The following PPP3CA variants were observed in gnomAD, a reference collection of about 807,000 sequenced individuals.
PPP3CA encodes the protein CAM-PRP catalytic subunit.
PPP3CA carries 14 observed loss-of-function variants against 66.5 expected under a neutral mutation model. That is an observed-to-expected ratio of 0.21 (90% CI 0.14 to 0.33). PPP3CA has a LOEUF of 0.33. PPP3CA is among the 10% of genes least tolerant of loss of function. The pLI is 1.00. For missense variants in PPP3CA, 317 were observed against 639.5 expected (o/e 0.50, Z 5.44); for synonymous variants, 232 against 226.2 (o/e 1.03, Z -0.23).
At chr4:101,244,616 C>T (rs1229066456) in intron 1 of PPP3CA, among the ~76,000 whole-genome samples, 2 of 152,158 alleles carry the variant, frequency 1.3e-5, no homozygotes, top group African/African-American at 2.4e-5. Flanking sequence ...ACGCCTACAG[C>T]TCAGACACAA....
chr4:101,251,269 T>C (rs3804410), intron 1 of PPP3CA, among the ~76,000 whole-genome samples: 100,943 of 151,914 alleles, frequency 0.66, 34,464 homozygotes, highest in Middle Eastern at 0.75. Flanking sequence ...AATATATTTA[T>C]GTATACGTAT....
At chr4:101,272,380 C>A (rs1003331014) in intron 1 of PPP3CA, among the ~76,000 whole-genome samples, 7 of 152,080 alleles carry the variant, frequency 4.6e-5, no homozygotes, top group Non-Finnish European at 7.4e-5. Flanking sequence ...ATTCTGTTAA[C>A]CCCCAAAGCC....
At chr4:101,065,937 T>C (rs1328413456) in intron 8 of PPP3CA, among the ~76,000 whole-genome samples, 1 of 152,128 alleles carries the variant, frequency 6.6e-6, no homozygotes, top group Non-Finnish European at 1.5e-5. Context: ...ATAAAGCAAA[T>C]ATTGTTTTCA....
At chr4:101,094,994 G>A (rs553162987) in intron 5 of PPP3CA, among the ~76,000 whole-genome samples, 1 of 150,204 alleles carries the variant, frequency 6.7e-6, no homozygotes, top group African/African-American at 2.4e-5. Flanking sequence ...TTTTTTTCTG[G>A]GACATACAAG....
At chr4:101,281,246 C>T (rs1221233406) in intron 1 of PPP3CA, among the ~76,000 whole-genome samples, 1 of 152,172 alleles carries the variant, frequency 6.6e-6, no homozygotes, top group Admixed American at 6.5e-5. Context: ...AGACAGTGAA[C>T]GTACATAATT....
intron 2 of PPP3CA, among the ~76,000 whole-genome samples, chr4:101,126,104 G>C (rs932447999): frequency 1.3e-5 from 2 of 152,176 alleles, no homozygotes; most frequent in African/African-American, 4.8e-5. Flanking sequence ...TAATGCATGA[G>C]TTAAATTAAC....
intron 1 of PPP3CA, among the ~76,000 whole-genome samples, chr4:101,229,056 T>C (rs577709154): frequency 6.6e-6 from 1 of 151,794 alleles, no homozygotes; most frequent in East Asian, 2.0e-4. Flanking sequence ...GGTTTGCAAA[T>C]AACTGCAGTG....
At chr4:101,286,775 T>G (rs1727858745) in intron 1 of PPP3CA, among the ~76,000 whole-genome samples, 1 of 152,194 alleles carries the variant, frequency 6.6e-6, no homozygotes. Flanking sequence ...CATCCATAGC[T>G]GGACATGACA....
At chr4:101,142,455 C>G (rs1040129402) in intron 2 of PPP3CA, among the ~76,000 whole-genome samples, 2 of 152,176 alleles carry the variant, frequency 1.3e-5, no homozygotes, top group South Asian at 4.1e-4. Flanking sequence ...TGAATAGCAA[C>G]AACAATAATG....
chr4:101,325,320 C>T (rs1461421804), intron 1 of PPP3CA, among the ~76,000 whole-genome samples: 3 of 152,184 alleles, frequency 2.0e-5, no homozygotes, highest in Non-Finnish European at 4.4e-5. Flanking sequence ...TGTATTTCTA[C>T]CATGCTTCCA....
intron 2 of PPP3CA, among the ~76,000 whole-genome samples, chr4:101,177,013 G>A (rs1039997259): frequency 7.9e-5 from 12 of 152,098 alleles, no homozygotes; most frequent in Admixed American, 7.2e-4. Context: ...ATAAGAAAAT[G>A]TTTTTGTGAA....
At chr4:101,205,782 G>A (rs1725113455) in intron 1 of PPP3CA, among the ~76,000 whole-genome samples, 1 of 152,086 alleles carries the variant, frequency 6.6e-6, no homozygotes, top group South Asian at 2.1e-4. Context: ...TGTCCCAAAT[G>A]ATACCAAATA....
intron 1 of PPP3CA, among the ~76,000 whole-genome samples, chr4:101,340,018 T>A (rs1436537042): frequency 6.6e-6 from 1 of 152,224 alleles, no homozygotes; most frequent in Non-Finnish European, 1.5e-5. Flanking sequence ...AAAATTTTTT[T>A]AATTTAGCTC....
intron 10 of PPP3CA, 57 bp downstream of exon 10, chr4:101,061,030 G>T: frequency 7.3e-7 from 1 of 1,370,934 alleles, no homozygotes; most frequent in Non-Finnish European, 1.0e-6. Context: ...ATTTAGCAAT[G>T]AGACTCTAAG....
At chr4:101,257,879 C>T (rs1055159296) in intron 1 of PPP3CA, among the ~76,000 whole-genome samples, 7 of 151,968 alleles carry the variant, frequency 4.6e-5, no homozygotes, top group Admixed American at 2.0e-4. Context: ...GTTTCCAAAA[C>T]GTGACCAAAA....
At chr4:101,063,033 T>C (rs79882460) in intron 9 of PPP3CA, among the ~76,000 whole-genome samples, 199 bp downstream of exon 9, 3 of 151,820 alleles carry the variant, frequency 2.0e-5, no homozygotes, top group Non-Finnish European at 2.9e-5. Flanking sequence ...TTTTTTTTTT[T>C]GCTTCCCCCT....
At chr4:101,068,897 A>G (rs933029581) in intron 8 of PPP3CA, among the ~76,000 whole-genome samples, 2 of 152,204 alleles carry the variant, frequency 1.3e-5, no homozygotes, top group Non-Finnish European at 2.9e-5. Context: ...ACTTATGAAG[A>G]TAGACTTCAA....
intron 2 of PPP3CA, among the ~76,000 whole-genome samples, chr4:101,174,990 CA>C (rs767277116): frequency 4.6e-5 from 7 of 152,024 alleles, no homozygotes; most frequent in African/African-American, 7.2e-5. Context: ...AATCCATGTT[CA>C]GGGGGAAGTC....
chr4:101,035,116 A>G (rs1445687148), intron 11 of PPP3CA, among the ~76,000 whole-genome samples: 1 of 152,108 alleles, frequency 6.6e-6, no homozygotes, highest in African/African-American at 2.4e-5. Context: ...AAAATATATA[A>G]AAATTAGCCG....
Sources: gnomAD v4.1 joint callset for allele counts (sites outside exome capture counted in the v4.1 genomes callset) on GRCh38, gnomAD v4.1.1 for gene constraint, MANE v1.5 for transcripts, NCBI Gene and HGNC (gene_info 2026-07-23, HGNC 2026-07-21) for gene names.